SAMD12: variants seen among roughly 807,000 people sequenced by gnomAD.
SAMD12 encodes the protein sterile alpha motif domain containing 12, also known as sterile alpha motif domain-containing protein 12.
A neutral mutation model predicts 15.0 loss-of-function variants in SAMD12; 9 were observed. The ratio of observed to expected loss-of-function variants is 0.60; its 90% CI spans 0.36 to 1.05. The LOEUF is 1.05. SAMD12 is among the 50% of genes least tolerant of loss of function. The pLI is 0.01. For missense variants in SAMD12, 230 were observed against 234.2 expected (o/e 0.98, Z 0.12); for synonymous variants, 86 against 90.1 (o/e 0.96, Z 0.25).
chr8:118,612,791 A>G (rs1450020898), intron 1 of SAMD12, among the ~76,000 whole-genome samples: 8 of 152,250 alleles, frequency 5.3e-5, no homozygotes, highest in Admixed American at 3.9e-4. Context: ...CATGATTACC[A>G]ATTACTGGAA....
the SAMD12 span, among the ~76,000 whole-genome samples, chr8:118,166,987 A>G: frequency 0.13 from 19,174 of 151,882 alleles, 3,199 homozygotes; most frequent in African/African-American, 0.39. Flanking sequence ...CCTCCATTGC[A>G]CAGCCAGACA....
At chr8:118,382,813 A>G in intron 3 of SAMD12, among the ~76,000 whole-genome samples, 1 of 152,230 alleles carries the variant, frequency 6.6e-6, no homozygotes, top group East Asian at 1.9e-4. Context: ...TTAGTTTTCA[A>G]GAAAGATTAA....
chr8:118,559,250 G>A (rs1023401314), intron 2 of SAMD12, among the ~76,000 whole-genome samples: 3 of 152,128 alleles, frequency 2.0e-5, no homozygotes, highest in Non-Finnish European at 4.4e-5. Flanking sequence ...GACAGATAAA[G>A]TTACTTTTGC....
chr8:118,234,888 T>A (rs889746318), intron 4 of SAMD12, among the ~76,000 whole-genome samples: 24 of 152,214 alleles, frequency 1.6e-4, no homozygotes, highest in Non-Finnish European at 2.6e-4. Flanking sequence ...GCCAAGTTTT[T>A]TGGATTTCTA....
At chr8:118,348,799 G>A (rs565539015) in intron 4 of SAMD12, among the ~76,000 whole-genome samples, 1 of 152,338 alleles carries the variant, frequency 6.6e-6, no homozygotes, top group Non-Finnish European at 1.5e-5. Flanking sequence ...ACTATAGGAT[G>A]AGCTGGTCAG....
At chr8:118,364,534 T>G (rs774432303) in intron 4 of SAMD12, among the ~76,000 whole-genome samples, 48 of 152,226 alleles carry the variant, frequency 3.2e-4, no homozygotes, top group Non-Finnish European at 6.2e-4. Flanking sequence ...GTGCTCTGAG[T>G]GCTGCGTGGA....
At chr8:118,607,049 G>A (rs1446640347) in intron 1 of SAMD12, among the ~76,000 whole-genome samples, 2 of 152,092 alleles carry the variant, frequency 1.3e-5, no homozygotes, top group Non-Finnish European at 2.9e-5. Flanking sequence ...TATGACTCAT[G>A]TTCTGAAAAT....
At chr8:118,156,881 AC>A in the SAMD12 span, among the ~76,000 whole-genome samples, 63 of 145,666 alleles carry the variant, frequency 4.3e-4, no homozygotes, top group African/African-American at 1.5e-3. Flanking sequence ...TCAATATTTG[AC>A]ATGAGTAAGT....
rs562253144 is a variant in SAMD12 at position 118,244,743 on chromosome 8, G to A, written c.434-47011C>T. ...ATAAAAGTTGATGATAAAATGCCCT[G>A]AGTGAGATAGTAAGAGGAATTTTGT... On this transcript the variant is annotated intron_variant, in intron 4 of 4. Coordinates refer to the SAMD12 transcript ENST00000409003. 7.2e-4 allele frequency among the ~76,000 whole-genome samples: 109 copies of A among 152,012 alleles called. 1 individual carries two copies. The highest frequency in any genetic ancestry group is 6.2e-4 in the Non-Finnish European group (42 of 67,998).
chr8:118,401,783 T>C (rs1820882419), intron 3 of SAMD12, among the ~76,000 whole-genome samples: 2 of 152,184 alleles, frequency 1.3e-5, no homozygotes, highest in Admixed American at 1.3e-4. Flanking sequence ...TTGCTGGGAT[T>C]GAACACACAT....
intron 4 of SAMD12, among the ~76,000 whole-genome samples, chr8:118,311,808 A>G (rs976657380): frequency 3.9e-5 from 6 of 152,150 alleles, no homozygotes; most frequent in Non-Finnish European, 8.8e-5. Flanking sequence ...ACTTGATTTC[A>G]ATAATCACCA....
intron 4 of SAMD12, among the ~76,000 whole-genome samples, chr8:118,282,885 TTTA>T (rs1398057082): frequency 6.6e-6 from 1 of 152,130 alleles, no homozygotes; most frequent in Non-Finnish European, 1.5e-5. Context: ...TACATATGTA[TTTA>T]TTTATATTTT....
At chr8:118,155,032 C>G in the SAMD12 span, among the ~76,000 whole-genome samples, 3 of 152,114 alleles carry the variant, frequency 2.0e-5, no homozygotes, top group Non-Finnish European at 4.4e-5. Context: ...ACTGCTCACA[C>G]TATAATTAAA....
intron 4 of SAMD12, among the ~76,000 whole-genome samples, chr8:118,289,147 A>G (rs536609331): frequency 1.3e-5 from 2 of 152,160 alleles, no homozygotes; most frequent in Non-Finnish European, 2.9e-5. Context: ...TCACCTCAAG[A>G]CAGTCATCTC....
intron 4 of SAMD12, among the ~76,000 whole-genome samples, chr8:118,340,416 T>G (rs1223912318): frequency 6.6e-6 from 1 of 152,170 alleles, no homozygotes. Flanking sequence ...CCTTACAACT[T>G]AATTTTGTCA....
Position 118,617,700 on chromosome 8 carries a change from T to TA in SAMD12, c.13+4103dup, listed in dbSNP as rs907618440. ...AAGAAAAGGAATTGGGGATGAGGGG[T>TA]AAAAAAAAAATCCTTCTCTAGCTCT... On this transcript the variant is annotated intron_variant, in intron 1 of 3. Coordinates refer to ENST00000314727, the MANE Select transcript of SAMD12 (RefSeq NM_207506.3). Among the ~76,000 whole-genome samples the TA allele has an allele frequency of 7.4e-4, 110 of 149,546 alleles. 1 individual carries two copies. The highest frequency in any genetic ancestry group is 3.5e-3 in the Middle Eastern group (1 of 288).
chr8:118,176,838 A>G, the SAMD12 span, among the ~76,000 whole-genome samples: 1 of 152,342 alleles, frequency 6.6e-6, no homozygotes, highest in East Asian at 1.9e-4. Context: ...GTATATAACA[A>G]TAGTATTTAA....
Position 118,527,312 on chromosome 8 carries a change from G to C in SAMD12, c.192+53403C>G, listed in dbSNP as rs536194994. On this transcript the variant is annotated intron_variant, in intron 2 of 3. Coordinates refer to ENST00000314727, the MANE Select transcript of SAMD12 (RefSeq NM_207506.3). ...TAGTACCCCACAGGAGCTTCCCACA[G>C]CACAGAGGTAAAGTGTAGACACCAA... Among the ~76,000 whole-genome samples the C allele has an allele frequency of 3.3e-5, 5 of 152,268 alleles. No individual in the cohort carries two copies. The South Asian group carries it at 1.0e-3, about 32-fold the overall frequency.
chr8:118,423,101 T>C (rs1822073334), intron 3 of SAMD12, among the ~76,000 whole-genome samples: 1 of 152,178 alleles, frequency 6.6e-6, no homozygotes, highest in Admixed American at 6.5e-5. Context: ...GCTCTGGGGC[T>C]TGTGCCCAGG....
Sources: gnomAD v4.1 joint callset for allele counts (sites outside exome capture counted in the v4.1 genomes callset) on GRCh38, gnomAD v4.1.1 for gene constraint, MANE v1.5 for transcripts, NCBI Gene and HGNC (gene_info 2026-07-23, HGNC 2026-07-21) for gene names.